The following COQ10A variants were observed in gnomAD, a reference collection of about 807,000 sequenced individuals.
COQ10A encodes coenzyme Q-binding protein COQ10 homolog A, mitochondrial.
Under a neutral mutation model 26.1 loss-of-function variants are expected in COQ10A, and 25 were observed. The ratio of observed to expected loss-of-function variants is 0.96; its 90% CI spans 0.70 to 1.34. The LOEUF (loss-of-function observed/expected upper bound fraction) is 1.34. Among genes scored for constraint, COQ10A ranks in the 40% most tolerant of loss-of-function variants. The pLI is 0.00. For missense variants in COQ10A, 312 were observed against 335.4 expected, an observed-to-expected ratio of 0.93 and a Z score of 0.54; for synonymous variants, 132 against 124.0, an observed-to-expected ratio of 1.06 and a Z score of -0.43.
rs78901134 is a variant in COQ10A at position 56,268,942 on chromosome 12, G to A, written c.282-117G>A. ...AAGTTATTCATCCAGGCTTATTTGG[G>A]ATCTGTAGTTCCTGAAGGTGCGTGG... is the stretch of plus-strand genomic sequence containing the variant. On this transcript the variant is annotated intron_variant, in intron 2 of 4. Transcript: ENST00000308197. The A allele has an allele frequency of 6.4e-3, 4,798 of 744,168 alleles. 142 individuals carry two copies. The African/African-American group carries it at 0.071, about 11-fold the overall frequency. The allele number at this position is 744,168 out of a possible 1,614,324, so 46.1% of individuals were successfully genotyped here. A position where few individuals can be genotyped will look rare whatever the true frequency, so the allele number is the denominator to read the frequency against.
At chr12:56,268,058 C>A in intron 2 of COQ10A, 118 bp downstream of exon 2, 1 of 1,280,332 alleles carries the variant, frequency 7.8e-7, no homozygotes, top group Non-Finnish European at 1.1e-6. Flanking sequence ...ATCCCCCTCC[C>A]CAGCTACAAT....
Position 56,267,199 on chromosome 12 carries a change from G to C in COQ10A, c.81G>C (p.Pro27=), listed in dbSNP as rs1240016898. The change falls in exon 1 of 5, where the codon CCG becomes CCC. Residue 27 remains proline (P), a synonymous_variant. Transcript: ENST00000308197. ...GCTGCTGCCGGCTCTCGCTCAGCCC[G>C]GGCGCGCAACCGGCCCCGCCCCCAG... ...AERCCRLSLS[P]GAQPAPPPGP... 7 of 1,408,230 alleles carry C rather than the reference G, an allele frequency of 5.0e-6. No homozygotes were observed. Among genetic ancestry groups the C allele is most frequent in the East Asian group, 2.9e-5 (1 of 34,592 alleles). The allele number at this position is 1,408,230 out of a possible 1,614,324, so 87.2% of individuals were successfully genotyped here. A position where few individuals can be genotyped will look rare whatever the true frequency, so the allele number is the denominator to read the frequency against.
At position 56,267,022 on chromosome 12, in the gene COQ10A, C is replaced by A; in HGVS notation, c.-97C>A. The A allele has an allele frequency of 8.5e-7, 1 of 1,180,496 alleles. No homozygotes were observed. The highest frequency in any genetic ancestry group is 1.1e-6 in the Non-Finnish European group (1 of 950,466). The allele number at this position is 1,180,496 out of a possible 1,614,324, so 73.1% of individuals were successfully genotyped here. On this transcript the variant is annotated 5_prime_UTR_variant, in exon 1 of 5. Transcript: ENST00000308197. The stretch of plus-strand genomic sequence containing the variant: ...CCCGTCGCCCCTGCGCTCAGAGGTC[C>A]CGAACCAGCCCAGCCGCTGCCTCTT...
chr12:56,270,070 G>A (rs1238866521), intron 4 of COQ10A, 80 bp from the exon 5 acceptor site: 1 of 1,434,958 alleles, frequency 7.0e-7, no homozygotes, highest in East Asian at 2.3e-5. Context: ...AAAAGGCACT[G>A]AGGAACAGTT....
chr12:56,270,590 G>C lies in COQ10A; in HGVS notation c.*273G>C, dbSNP rs1483582081. The C allele has an allele frequency of 2.7e-6, 1 of 375,092 alleles. No individual in the cohort carries two copies. Among genetic ancestry groups the C allele is most frequent in the African/African-American group, 2.1e-5 (1 of 48,324 alleles). 23.2% of individuals were successfully genotyped at this position (375,092 alleles called of 1,614,324 possible). On this transcript the variant is annotated 3_prime_UTR_variant, in exon 5 of 5. Transcript: ENST00000308197. ...GCCTTTTCACTACGAATTAGAATAA[G>C]GACTATGTGGTTGTCTCTGGACCTT...
At chr12:56,269,794 ATTT>A (rs1183237222) in intron 4 of COQ10A, 1 of 529,014 alleles carries the variant, frequency 1.9e-6, no homozygotes, top group South Asian at 2.1e-5. Context: ...AGCCCGACTG[ATTT>A]TTTATTTTTA....
In COQ10A at chr12:56,270,358, C is replaced by T. The variant is rs965542963; in HGVS notation, c.*41C>T. The T allele has an allele frequency of 4.4e-6, 7 of 1,578,724 alleles. No individual in the cohort carries two copies. Among genetic ancestry groups the T allele is most frequent in the Admixed American group, 3.5e-5 (2 of 57,260 alleles). ...CCTGACCTCCCTTCTACCCCACTTC[C>T]CTACACAATTCTCTTATTTATTTGG... On this transcript the variant is annotated 3_prime_UTR_variant, in exon 5 of 5. Coordinates refer to ENST00000308197, the MANE Select transcript of COQ10A (RefSeq NM_144576.4).
At position 56,267,231 on chromosome 12, in the gene COQ10A, T is replaced by A; in HGVS notation, c.113T>A (p.Leu38Gln). ...GAQPAPPPGP[L>Q]PPPRPMRFLT... ...CAACCGGCCCCGCCCCCAGGCCCTC[T>A]GCCACCGCCGCGACCAATGAGGTGA... The change falls in exon 1 of 5, where the codon CTG (leucine) becomes CAG (glutamine). Residue 38 changes from leucine to glutamine, a missense_variant. Transcript: ENST00000308197. 2.0e-6 allele frequency: 3 copies of A among 1,472,312 alleles called. No individual in the cohort carries two copies. Among genetic ancestry groups the A allele is most frequent in the Non-Finnish European group, 2.7e-6 (3 of 1,112,648 alleles). 91.2% of individuals were successfully genotyped at this position (1,472,312 alleles called of 1,614,324 possible). A position where few individuals can be genotyped will look rare whatever the true frequency, so the allele number is the denominator to read the frequency against.
chr12:56,269,040 G>T lies in COQ10A; in HGVS notation c.282-19G>T. ...GACCCAGCTGGCAGCTCCTTGGCCT[G>T]TGATTCTTCTTCTCCTAGGTACTCA... On this transcript the variant is annotated intron_variant, in intron 2 of 4. Coordinates refer to ENST00000308197, the MANE Select transcript of COQ10A (RefSeq NM_144576.4). 1 of 1,609,700 alleles carries T rather than the reference G, an allele frequency of 6.2e-7. No individual in the cohort carries two copies. Among genetic ancestry groups the T allele is most frequent in the Non-Finnish European group, 8.5e-7 (1 of 1,177,020 alleles).
chr12:56,267,588 C>T, intron 1 of COQ10A: 1 of 1,151,312 alleles, frequency 8.7e-7, no homozygotes, highest in Non-Finnish European at 1.3e-6. Flanking sequence ...CCCCTCACCC[C>T]GCCCCCAGCC....
intron 2 of COQ10A, 33 bp from the exon 3 acceptor site, chr12:56,269,026 C>A: frequency 1.9e-6 from 3 of 1,597,314 alleles, no homozygotes; most frequent in Non-Finnish European, 2.6e-6. Context: ...ACCCAGCTGG[C>A]AGCTCCTTGG....
At chr12:56,268,085 C>A in intron 2 of COQ10A, 145 bp downstream of exon 2, 1 of 999,802 alleles carries the variant, frequency 1.0e-6, no homozygotes, top group Non-Finnish European at 1.5e-6. Context: ...CCTCAGTCCT[C>A]CCCTGCCACT....
chr12:56,267,182 C>T lies in COQ10A; in HGVS notation c.64C>T (p.Arg22Trp), dbSNP rs1042305832. 3 of 1,369,190 alleles carry T rather than the reference C, an allele frequency of 2.2e-6. No individual in the cohort carries two copies. The highest frequency in any genetic ancestry group is 2.8e-6 in the Non-Finnish European group (3 of 1,066,656). The allele number at this position is 1,369,190 out of a possible 1,614,324, so 84.8% of individuals were successfully genotyped here. ...GCGCGCGGCAGCCGAGCGCTGCTGC[C>T]GGCTCTCGCTCAGCCCGGGCGCGCA... ...GTRAAAERCC[R>W]LSLSPGAQPA... The change falls in exon 1 of 5, where the codon CGG becomes TGG. Residue 22 changes from arginine to tryptophan, a missense_variant. Arg to Trp is a moderately radical substitution (Grantham distance 101). Coordinates refer to ENST00000308197, the MANE Select transcript of COQ10A (RefSeq NM_144576.4).
chr12:56,267,148 A>C lies in COQ10A; in HGVS notation c.30A>C (p.Pro10=). 7.5e-7 allele frequency: 1 copy of C among 1,339,214 alleles called. No homozygotes were observed. Among genetic ancestry groups the C allele is most frequent in the Non-Finnish European group, 9.5e-7 (1 of 1,051,528 alleles). 83.0% of individuals were successfully genotyped at this position (1,339,214 alleles called of 1,614,324 possible). A position where few individuals can be genotyped will look rare whatever the true frequency, so the allele number is the denominator to read the frequency against. Residue 10 remains proline, a synonymous_variant, in exon 1 of 5, where the codon CCA becomes CCC. Coordinates refer to ENST00000308197, the MANE Select transcript of COQ10A (RefSeq NM_144576.4). ...CCTGGGCGGGCTCGCGGCGGGTCCCAGCTGGGACGCGCGCGGCAGCCGAGC... is the reference window on the plus strand; with the variant it reads ...CCTGGGCGGGCTCGCGGCGGGTCCCCGCTGGGACGCGCGCGGCAGCCGAGC... MAWAGSRRV[P]AGTRAAAERC...
rs1374878728 is a variant in COQ10A at position 56,267,781 on chromosome 12, C to A, written c.135-13C>A. Reference sequence around the variant, plus strand: ...AGAACTATACGGTTGGCTCCTCTTTCCTTTGGCCTTAGGTTTCTGACCTCC... The same window carrying A: ...AGAACTATACGGTTGGCTCCTCTTTACTTTGGCCTTAGGTTTCTGACCTCC... On this transcript the variant is annotated splice_polypyrimidine_tract_variant and intron_variant, in intron 1 of 4. Transcript: ENST00000308197. The A allele has an allele frequency of 6.2e-7, 1 of 1,614,192 alleles. No individual in the cohort carries two copies. Among genetic ancestry groups the A allele is most frequent in the South Asian group, 1.1e-5 (1 of 91,072 alleles).
chr12:56,267,941 G>T lies in COQ10A; in HGVS notation c.281+1G>T. On this transcript the variant is annotated splice_donor_variant, in intron 2 of 4. Transcript: ENST00000308197. LOFTEE classifies it high-confidence loss of function. ...CTTACTCGGAGCGTAGAATCATGGG[G>T]TAAGCATTCTCTGCCTTGCATCCTT... is the stretch of plus-strand genomic sequence containing the variant. 1 of 1,614,038 alleles carries T rather than the reference G, an allele frequency of 6.2e-7. No homozygotes were observed. The highest frequency in any genetic ancestry group is 8.5e-7 in the Non-Finnish European group (1 of 1,180,002).
intron 1 of COQ10A, chr12:56,267,466 G>A (rs1335161761): frequency 6.2e-7 from 1 of 1,613,450 alleles, no homozygotes; most frequent in Admixed American, 1.7e-5. Context: ...GCCCTCGCGG[G>A]CGCCCTGGGG....
In COQ10A at chr12:56,270,500, G is replaced by T. The variant is rs776330221; in HGVS notation, c.*183G>T. ...AATGTTGGGGGAAAGAGAAGGCAAA[G>T]GATGTGGAAATGAGATGTGCTTAGG... On this transcript the variant is annotated 3_prime_UTR_variant, in exon 5 of 5. Coordinates refer to ENST00000308197, the MANE Select transcript of COQ10A (RefSeq NM_144576.4). 54 of 649,416 alleles carry T rather than the reference G, an allele frequency of 8.3e-5. No individual in the cohort carries two copies. The highest frequency in any genetic ancestry group is 1.4e-4 in the Non-Finnish European group (53 of 387,942). 40.2% of individuals were successfully genotyped at this position (649,416 alleles called of 1,614,324 possible). A position where few individuals can be genotyped will look rare whatever the true frequency, so the allele number is the denominator to read the frequency against.
chr12:56,268,050 C>A (rs1281163352), intron 2 of COQ10A, 110 bp downstream of exon 2: 4 of 1,347,786 alleles, frequency 3.0e-6, no homozygotes, highest in Non-Finnish European at 4.1e-6. Context: ...CCCTAGCCAT[C>A]CCCCTCCCCA....
Sources: gnomAD v4.1 joint callset for allele counts on GRCh38, gnomAD v4.1.1 for gene constraint, MANE v1.5 for transcripts, NCBI Gene and HGNC (gene_info 2026-07-23, HGNC 2026-07-21) for gene names.